DGKG: variants seen among roughly 807,000 people sequenced by gnomAD.
DGKG encodes the protein DAG kinase gamma.
DGKG carries 78 observed loss-of-function variants against 105.3 expected under a neutral mutation model. That is an observed-to-expected ratio of 0.74 (90% confidence interval 0.62 to 0.89). DGKG has a LOEUF of 0.89. Ranked by LOEUF, DGKG falls within the 40% of genes least tolerant of loss-of-function variation. The probability of loss-of-function intolerance (pLI) is 0.00; values close to 1 mark genes in which losing one functional copy is unlikely to be tolerated. For synonymous variants in DGKG, 346 were observed against 367.1 expected (o/e 0.94, Z 0.66); for missense variants, 958 against 1,020.1 (o/e 0.94, Z 0.83).
intron 11 of DGKG, among the ~76,000 whole-genome samples, chr3:186,271,820 G>A (rs1239622443): frequency 1.3e-5 from 2 of 152,188 alleles, no homozygotes; most frequent in Admixed American, 1.3e-4. Context: ...TGCCTGGAGA[G>A]TCTGGTCCTC....
At chr3:186,197,836 C>T (rs549928643) in intron 21 of DGKG, among the ~76,000 whole-genome samples, 24 of 152,308 alleles carry the variant, frequency 1.6e-4, no homozygotes, top group African/African-American at 5.1e-4. Context: ...CTTTTATGCC[C>T]GTTAACATAC....
chr3:186,320,177 C>A (rs1421371763), intron 2 of DGKG, among the ~76,000 whole-genome samples: 1 of 152,144 alleles, frequency 6.6e-6, no homozygotes, highest in African/African-American at 2.4e-5. Flanking sequence ...ATGTATATTG[C>A]AAATTTCTAT....
chr3:186,342,006 G>A (rs1320732556), intron 1 of DGKG, among the ~76,000 whole-genome samples: 1 of 152,126 alleles, frequency 6.6e-6, no homozygotes, highest in East Asian at 1.9e-4. Flanking sequence ...TCACACTCTG[G>A]GGACTGTTGT....
intron 17 of DGKG, 157 bp downstream of exon 17, chr3:186,257,697 T>C (rs79170114): frequency 5.4e-5 from 30 of 553,084 alleles, no homozygotes; most frequent in Middle Eastern, 3.1e-4. Flanking sequence ...TTTTTTTTTT[T>C]CCACCCAAAG....
chr3:186,198,050 G>A (rs1270447777), intron 21 of DGKG, among the ~76,000 whole-genome samples: 2 of 152,200 alleles, frequency 1.3e-5, no homozygotes, highest in East Asian at 3.8e-4. Flanking sequence ...ACAGCTCTGT[G>A]TTCTTCACAG....
chr3:186,252,598 G>A (rs764322347), intron 18 of DGKG, among the ~76,000 whole-genome samples: 30 of 152,230 alleles, frequency 2.0e-4, no homozygotes, highest in Non-Finnish European at 3.5e-4. Flanking sequence ...GAGGGCCCAT[G>A]GCTATGGGGC....
chr3:186,188,142 A>C, intron 22 of DGKG, 60 bp downstream of exon 22: 1 of 1,588,946 alleles, frequency 6.3e-7, no homozygotes, highest in African/African-American at 1.3e-5. Context: ...GCTGACATCC[A>C]CCTGAGGGCA....
At chr3:186,188,853 C>T (rs1717770565) in intron 21 of DGKG, among the ~76,000 whole-genome samples, 1 of 152,094 alleles carries the variant, frequency 6.6e-6, no homozygotes, top group South Asian at 2.1e-4. Context: ...CTTGCTCTGT[C>T]ACCCAGGCTG....
At chr3:186,186,960 A>G (rs960238464) in intron 22 of DGKG, among the ~76,000 whole-genome samples, 1 of 152,236 alleles carries the variant, frequency 6.6e-6, no homozygotes, top group Non-Finnish European at 1.5e-5. Context: ...GTTGTTCCAG[A>G]CAGAAAGAAT....
At chr3:186,302,512 GTGTATATATATATATATATACATATGTA>G (rs1560143703) in intron 3 of DGKG, among the ~76,000 whole-genome samples, 669 of 15,086 alleles carry the variant, frequency 0.044, 12 homozygotes, top group Middle Eastern at 0.083. Context: ...ATATACATAT[GTGTATATATATATATATATACATATGTA>G]TATATATATA....
At chr3:186,182,984 A>G (rs558268979) in intron 22 of DGKG, among the ~76,000 whole-genome samples, 18 of 152,356 alleles carry the variant, frequency 1.2e-4, no homozygotes, top group Admixed American at 8.5e-4. Context: ...TACTGATGAG[A>G]TAGAAGGCAA....
intron 5 of DGKG, among the ~76,000 whole-genome samples, chr3:186,294,292 C>A (rs1489614260): frequency 6.6e-6 from 1 of 152,184 alleles, no homozygotes; most frequent in African/African-American, 2.4e-5. Context: ...CCTGCTCAGA[C>A]AATTTGGAAC....
intron 22 of DGKG, among the ~76,000 whole-genome samples, chr3:186,175,390 T>A (rs1003581173): frequency 6.6e-6 from 1 of 152,100 alleles, no homozygotes; most frequent in African/African-American, 2.4e-5. Flanking sequence ...ACGGGAAAAA[T>A]GTGTCCTCCA....
At chr3:186,200,808 G>A (rs967071322) in intron 21 of DGKG, among the ~76,000 whole-genome samples, 4 of 152,242 alleles carry the variant, frequency 2.6e-5, no homozygotes, top group African/African-American at 9.6e-5. Flanking sequence ...AAGGAATGCG[G>A]CATTGAAGCC....
At chr3:186,160,086 A>G (rs1560075514) in intron 24 of DGKG, 1 of 574,346 alleles carries the variant, frequency 1.7e-6, no homozygotes, top group Non-Finnish European at 2.2e-6. Context: ...GTATTCTATT[A>G]TGGCACTCAA....
intron 19 of DGKG, among the ~76,000 whole-genome samples, chr3:186,246,644 C>T (rs1720956200): frequency 1.3e-5 from 2 of 152,154 alleles, no homozygotes; most frequent in South Asian, 4.1e-4. Context: ...CTGGGGAGTC[C>T]CACTGTATTA....
At chr3:186,353,565 G>GTATATA (rs66460527) in intron 1 of DGKG, among the ~76,000 whole-genome samples, 115 of 117,014 alleles carry the variant, frequency 9.8e-4, no homozygotes, top group East Asian at 4.6e-3. Context: ...TTTTATGTAT[G>GTATATA]TATATATATA....
At chr3:186,335,104 T>A (rs1340239505) in intron 1 of DGKG, among the ~76,000 whole-genome samples, 1 of 152,164 alleles carries the variant, frequency 6.6e-6, no homozygotes, top group Non-Finnish European at 1.5e-5. Flanking sequence ...CTGGTATTTA[T>A]TAGCTTGCCC....
intron 6 of DGKG, among the ~76,000 whole-genome samples, chr3:186,287,062 A>ATAAATAAATAAATAAATAAG (rs1723104753): frequency 6.6e-6 from 1 of 151,712 alleles, no homozygotes; most frequent in Non-Finnish European, 1.5e-5. Context: ...AAATAAATAA[A>ATAAATAAATAAATAAATAAG]GGAAAAAATT....
Sources: allele counts gnomAD v4.1 joint callset (sites outside exome capture counted in the v4.1 genomes callset), GRCh38; gene constraint gnomAD v4.1.1; transcripts MANE v1.5; gene names NCBI Gene and HGNC (gene_info 2026-07-23, HGNC 2026-07-21).